Variants in SLC30A7 observed in about 807,000 individuals in gnomAD.
SLC30A7 encodes zinc transporter 7.
Under a neutral mutation model 46.0 loss-of-function variants are expected in SLC30A7, and 35 were observed. The observed-to-expected ratio is 0.76, with a 90% CI of 0.58 to 1.01. The LOEUF (loss-of-function observed/expected upper bound fraction) is 1.01, where lower values mean the gene tolerates loss of function less well. SLC30A7 is among the 50% of genes least tolerant of loss of function. The pLI, the probability that SLC30A7 is intolerant of heterozygous loss-of-function variation, is 0.00. For missense variants in SLC30A7, 464 were observed against 451.1 expected, an observed-to-expected ratio of 1.03 and a Z score of -0.26; for synonymous variants, 147 against 157.8, an observed-to-expected ratio of 0.93 and a Z score of 0.51.
chr1:100,953,493 G>GT (rs1655063411), intron 8 of SLC30A7, among the ~76,000 whole-genome samples: 1 of 152,018 alleles, frequency 6.6e-6, no homozygotes, highest in Non-Finnish European at 1.5e-5. Flanking sequence ...GTCTCATCTG[G>GT]TTTTTCTAAA....
chr1:100,929,913 A>G lies in SLC30A7; in HGVS notation c.842+8072A>G, dbSNP rs141746165. Among the ~76,000 whole-genome samples, 996 of 152,166 alleles carry G rather than the reference A, an allele frequency of 6.5e-3. 17 individuals are homozygous for G. The highest frequency in any genetic ancestry group is 0.021 in the African/African-American group (867 of 41,554). On this transcript the variant is annotated intron_variant, in intron 8 of 10. Transcript: ENST00000357650. ...AGTAGTTCTGCTCCTTTTTTCCCTAAGGTGAGTTGGGATAGAAGATGAATT... is the reference window on the plus strand; with the variant it reads ...AGTAGTTCTGCTCCTTTTTTCCCTAGGGTGAGTTGGGATAGAAGATGAATT...
Position 100,906,225 on chromosome 1 carries a change from C to T in SLC30A7, c.183-627C>T, listed in dbSNP as rs192944576. 3.3e-3 allele frequency among the ~76,000 whole-genome samples: 497 copies of T among 152,276 alleles called. 3 individuals carry two copies. The highest frequency in any genetic ancestry group is 5.3e-3 in the Non-Finnish European group (358 of 68,014). On this transcript the variant is annotated intron_variant, in intron 2 of 10. Transcript: ENST00000357650. ...TTCTTGCTCCACTCTCAGCTTTTAG[C>T]AAGTTCTGCACATATCTCTTTGTGC... is the stretch of plus-strand genomic sequence containing the variant.
intron 2 of SLC30A7, among the ~76,000 whole-genome samples, chr1:100,897,754 A>G (rs1231546491): frequency 1.3e-5 from 2 of 152,156 alleles, no homozygotes; most frequent in African/African-American, 4.8e-5. Context: ...ATACTCAATA[A>G]CCAGCAGATT....
intron 8 of SLC30A7, among the ~76,000 whole-genome samples, chr1:100,939,858 A>G (rs916269332): frequency 6.6e-6 from 1 of 151,972 alleles, no homozygotes; most frequent in Non-Finnish European, 1.5e-5. Flanking sequence ...AAAAAAAAAA[A>G]AAACAGCAAC....
intron 8 of SLC30A7, among the ~76,000 whole-genome samples, chr1:100,951,362 C>G (rs1226642323): frequency 6.6e-6 from 1 of 151,996 alleles, no homozygotes; most frequent in Non-Finnish European, 1.5e-5. Context: ...CAGAAAAATG[C>G]TAATCAGAAA....
At chr1:100,904,350 T>C (rs941239902) in intron 2 of SLC30A7, among the ~76,000 whole-genome samples, 1 of 152,192 alleles carries the variant, frequency 6.6e-6, no homozygotes, top group African/African-American at 2.4e-5. Flanking sequence ...TTTTTGTTTC[T>C]AGTATTTCCA....
chr1:100,931,103 A>G (rs751332610), intron 8 of SLC30A7, among the ~76,000 whole-genome samples: 8 of 152,162 alleles, frequency 5.3e-5, no homozygotes, highest in Non-Finnish European at 1.2e-4. Context: ...ACTGGAAAGA[A>G]CACAGTGAGC....
chr1:100,940,155 A>G (rs2101055944), intron 8 of SLC30A7, among the ~76,000 whole-genome samples: 1 of 152,260 alleles, frequency 6.6e-6, no homozygotes, highest in South Asian at 2.1e-4. Context: ...AATGATAAAG[A>G]CAGCACCTCA....
At chr1:100,920,463 G>C (rs1287991883) in intron 7 of SLC30A7, among the ~76,000 whole-genome samples, 1 of 151,960 alleles carries the variant, frequency 6.6e-6, no homozygotes, top group Non-Finnish European at 1.5e-5. Flanking sequence ...TTTTAAGAAA[G>C]TTGTTCTTAA....
Position 100,896,154 on chromosome 1 carries a change from C to T in SLC30A7, c.-109C>T. 2.1e-6 allele frequency: 2 copies of T among 969,390 alleles called. No homozygotes were observed. The highest frequency in any genetic ancestry group is 2.4e-4 in the Middle Eastern group (1 of 4,228). 60.0% of individuals were successfully genotyped at this position (969,390 alleles called of 1,614,324 possible). A position where few individuals can be genotyped will look rare whatever the true frequency, so the allele number is the denominator to read the frequency against. ...TGTGTCTCGCAGCGGCGCGCGGCCCCGGACAAGCGCTGGGGATTCCCGTTT... is the reference window on the plus strand; with the variant it reads ...TGTGTCTCGCAGCGGCGCGCGGCCCTGGACAAGCGCTGGGGATTCCCGTTT... On this transcript the variant is annotated 5_prime_UTR_variant, in exon 1 of 11. Coordinates refer to ENST00000357650, the MANE Select transcript of SLC30A7 (RefSeq NM_133496.5).
chr1:100,973,964 A>G (rs1296588682), intron 10 of SLC30A7, among the ~76,000 whole-genome samples: 1 of 152,184 alleles, frequency 6.6e-6, no homozygotes, highest in Non-Finnish European at 1.5e-5. Context: ...AATGAGTTCA[A>G]GAGAGAAGTG....
the SLC30A7 span, chr1:100,995,206 A>G: frequency 4.8e-6 from 6 of 1,237,248 alleles, no homozygotes; most frequent in Admixed American, 3.6e-5. Context: ...CCAAAACCCT[A>G]TGTGTAAACC....
At chr1:100,915,221 CTTTCTT>C (rs1280798846) in intron 6 of SLC30A7, among the ~76,000 whole-genome samples, 1 of 66,460 alleles carries the variant, frequency 1.5e-5, no homozygotes, top group African/African-American at 6.2e-5. Flanking sequence ...TTCTTTCTTT[CTTTCTT>C]TCTTTCTTTC....
At chr1:100,944,512 T>G (rs1281920462) in intron 8 of SLC30A7, among the ~76,000 whole-genome samples, 1 of 152,158 alleles carries the variant, frequency 6.6e-6, no homozygotes, top group African/African-American at 2.4e-5. Flanking sequence ...TATTTATTTT[T>G]TATTTTGTTA....
intron 8 of SLC30A7, among the ~76,000 whole-genome samples, chr1:100,943,322 G>T (rs1654459086): frequency 6.6e-6 from 1 of 152,160 alleles, no homozygotes; most frequent in African/African-American, 2.4e-5. Flanking sequence ...TATTATAAAG[G>T]ACATAACAAA....
At chr1:100,933,485 T>C (rs1653783959) in intron 8 of SLC30A7, among the ~76,000 whole-genome samples, 1 of 152,112 alleles carries the variant, frequency 6.6e-6, no homozygotes, top group African/African-American at 2.4e-5. Flanking sequence ...GTTACATATG[T>C]GTACATGTGC....
chr1:100,951,633 G>A (rs1343948451), intron 8 of SLC30A7, among the ~76,000 whole-genome samples: 48 of 152,258 alleles, frequency 3.2e-4, no homozygotes, highest in Admixed American at 3.0e-3. Flanking sequence ...GCCTTTGTTC[G>A]TGCTGCTCAG....
intron 8 of SLC30A7, among the ~76,000 whole-genome samples, chr1:100,934,136 T>TA (rs137962640): frequency 0.023 from 3,447 of 152,276 alleles, 121 homozygotes; most frequent in African/African-American, 0.075. Flanking sequence ...TGACTTGTAG[T>TA]TCTGGCTTTG....
At chr1:100,985,292 T>C (rs1657201963), downstream of SLC30A7, among the ~76,000 whole-genome samples, 1 of 152,210 alleles carries the variant, frequency 6.6e-6, no homozygotes, top group Non-Finnish European at 1.5e-5. Context: ...ACTTCCCAAG[T>C]TTGGTGATGT....
Sources: gnomAD v4.1 joint callset for allele counts (sites outside exome capture counted in the v4.1 genomes callset) on GRCh38, gnomAD v4.1.1 for gene constraint, MANE v1.5 for transcripts, NCBI Gene and HGNC (gene_info 2026-07-23, HGNC 2026-07-21) for gene names.